CLDN16: variants seen among roughly 807,000 people sequenced by gnomAD.
The protein encoded by CLDN16 is claudin 16.
CLDN16 carries 13 observed loss-of-function variants against 24.6 expected under a neutral mutation model. The observed-to-expected ratio is 0.53, with a 90% CI of 0.34 to 0.84. The LOEUF (loss-of-function observed/expected upper bound fraction) is 0.84, where lower values mean the gene tolerates loss of function less well. CLDN16 is among the 40% of genes least tolerant of loss of function. The probability of loss-of-function intolerance (pLI) is 0.01; values close to 1 mark genes in which losing one functional copy is unlikely to be tolerated. For missense variants in CLDN16, 298 were observed against 292.7 expected, an observed-to-expected ratio of 1.02 and a Z score of -0.13; for synonymous variants, 116 against 106.7, an observed-to-expected ratio of 1.09 and a Z score of -0.54.
chr3:190,375,386 G>A (rs1023099995), intron 3 of CLDN16, among the ~76,000 whole-genome samples: 2 of 151,908 alleles, frequency 1.3e-5, no homozygotes, highest in Admixed American at 6.6e-5. Context: ...TACAGATCTA[G>A]AGAAAGCTAT....
At chr3:190,357,653 C>T (rs1253438840) in intron 1 of CLDN16, among the ~76,000 whole-genome samples, 2 of 151,932 alleles carry the variant, frequency 1.3e-5, no homozygotes, top group African/African-American at 4.8e-5. Context: ...CCACACCCTG[C>T]ACACTTGGTA....
At chr3:190,315,514 G>C in the CLDN16 span, among the ~76,000 whole-genome samples, 1 of 152,076 alleles carries the variant, frequency 6.6e-6, no homozygotes, top group Non-Finnish European at 1.5e-5. Context: ...CTTGAGAAAG[G>C]GGCGACATGA....
chr3:190,315,220 T>G, the CLDN16 span, among the ~76,000 whole-genome samples: 15 of 152,238 alleles, frequency 9.9e-5, no homozygotes, highest in South Asian at 2.3e-3. Context: ...GAAGAGGAGA[T>G]GCTGAAAGTA....
Position 190,375,013 on chromosome 3 carries a change from A to G in CLDN16, n.306+410A>G, listed in dbSNP as rs146274768. Among the ~76,000 whole-genome samples the G allele has an allele frequency of 3.8e-3, 583 of 152,070 alleles. 5 individuals are homozygous for G. Among genetic ancestry groups the G allele is most frequent in the African/African-American group, 0.013 (558 of 41,534 alleles). On this transcript the variant is annotated intron_variant and non_coding_transcript_variant, in intron 3 of 4. Transcript: ENST00000468220. ...TATCTATACTATATTTCCTTATAAA[A>G]AGAGGCATATACTTATAAAACTTTT...
At chr3:190,291,703 C>T in the CLDN16 span, among the ~76,000 whole-genome samples, 3 of 151,868 alleles carry the variant, frequency 2.0e-5, no homozygotes, top group Admixed American at 2.0e-4. Context: ...CACCTAGGAG[C>T]CTGTAAAATA....
intron 2 of CLDN16, among the ~76,000 whole-genome samples, chr3:190,404,184 T>C (rs1243784410): frequency 6.6e-6 from 1 of 152,182 alleles, no homozygotes; most frequent in Non-Finnish European, 1.5e-5. Context: ...AATGATCTAA[T>C]TTCCAGAAAT....
intron 1 of CLDN16, among the ~76,000 whole-genome samples, chr3:190,360,607 ATTTG>A (rs1341060763): frequency 6.6e-6 from 1 of 151,998 alleles, no homozygotes; most frequent in African/African-American, 2.4e-5. Context: ...TAATGTAATT[ATTTG>A]TTTGGTTGAA....
chr3:190,299,712 TG>T, the CLDN16 span, among the ~76,000 whole-genome samples: 7 of 152,238 alleles, frequency 4.6e-5, no homozygotes, highest in Non-Finnish European at 1.0e-4. Context: ...AATACTATCA[TG>T]TCTTATATCA....
chr3:190,391,601 G>A (rs1053422903), intron 1 of CLDN16, among the ~76,000 whole-genome samples: 5 of 152,138 alleles, frequency 3.3e-5, no homozygotes, highest in African/African-American at 1.2e-4. Context: ...AGAAATGGCA[G>A]CAGGGGCCTT....
chr3:190,408,482 C>T lies in CLDN16; in HGVS notation c.551C>T (p.Thr184Ile), dbSNP rs780195981. 1 of 1,613,938 alleles carries T rather than the reference C, an allele frequency of 6.2e-7. No individual in the cohort carries two copies. The change falls in exon 4 of 5, where the codon ACC becomes ATC. Residue 184 changes from threonine to isoleucine, a missense_variant. Physicochemically the swap from Thr to Ile is moderately conservative, Grantham distance 89. Coordinates refer to ENST00000264734, the MANE Select transcript of CLDN16 (RefSeq NM_006580.4). Reference protein sequence around the residue: ...LGCFLAGAVLTCCLYLFKDVG... With the variant: ...LGCFLAGAVLICCLYLFKDVG... ...TGCTTTTTGGCTGGAGCTGTTCTCA[C>T]CTGCTGCTTATATCTTTTTAAAGGT...
At chr3:190,323,719 A>G (rs1716995541) in intron 1 of CLDN16, among the ~76,000 whole-genome samples, 1 of 152,158 alleles carries the variant, frequency 6.6e-6, no homozygotes, top group African/African-American at 2.4e-5. Flanking sequence ...CAAGGTGGGA[A>G]TGGGAAGAAA....
chr3:190,405,457 GA>G (rs554897563), intron 3 of CLDN16, among the ~76,000 whole-genome samples: 1,410 of 123,468 alleles, frequency 0.011, 19 homozygotes, highest in African/African-American at 0.039. Flanking sequence ...AGGAAATAAA[GA>G]AAAAAAAAAG....
intron 1 of CLDN16, among the ~76,000 whole-genome samples, chr3:190,362,100 A>C (rs1717902208): frequency 6.6e-6 from 1 of 151,500 alleles, no homozygotes; most frequent in East Asian, 2.0e-4. Context: ...AACCCCTTGC[A>C]TTTGAAGACC....
At chr3:190,367,496 T>G (rs1718047832) in intron 1 of CLDN16, among the ~76,000 whole-genome samples, 1 of 151,918 alleles carries the variant, frequency 6.6e-6, no homozygotes, top group Non-Finnish European at 1.5e-5. Flanking sequence ...ACCTGCCTGT[T>G]GAATAAGGAA....
chr3:190,376,128 G>T (rs759482117), intron 3 of CLDN16, among the ~76,000 whole-genome samples: 2 of 151,828 alleles, frequency 1.3e-5, no homozygotes, highest in Non-Finnish European at 2.9e-5. Context: ...CCACATCATT[G>T]ACTTCAGAAT....
chr3:190,325,069 A>C (rs1438829418), intron 1 of CLDN16, among the ~76,000 whole-genome samples: 2 of 152,216 alleles, frequency 1.3e-5, no homozygotes, highest in Admixed American at 1.3e-4. Flanking sequence ...AAAGTCACCC[A>C]AGTCTAAAGC....
the CLDN16 span, among the ~76,000 whole-genome samples, chr3:190,300,730 C>G: frequency 6.6e-6 from 1 of 152,134 alleles, no homozygotes; most frequent in African/African-American, 2.4e-5. Context: ...AGGCATTAGC[C>G]ATCATGCTTT....
chr3:190,320,500 T>C (rs1350081043), upstream of CLDN16, among the ~76,000 whole-genome samples: 6 of 152,198 alleles, frequency 3.9e-5, no homozygotes, highest in Admixed American at 3.9e-4. Flanking sequence ...TTACTAAACT[T>C]ATGGATTGGT....
At chr3:190,322,354 A>G, upstream of CLDN16, 1 of 755,412 alleles carries the variant, frequency 1.3e-6, no homozygotes, top group Non-Finnish European at 2.2e-6. Flanking sequence ...GCCGCTGGAG[A>G]AGCTCTGGGT....
Sources: gnomAD v4.1 joint callset for allele counts (sites outside exome capture counted in the v4.1 genomes callset) on GRCh38, gnomAD v4.1.1 for gene constraint, MANE v1.5 for transcripts, NCBI Gene and HGNC (gene_info 2026-07-23, HGNC 2026-07-21) for gene names.